Variants in ZFYVE9 observed in about 807,000 individuals in gnomAD.
The protein encoded by ZFYVE9 is zinc finger FYVE domain-containing protein 9.
A neutral mutation model predicts 126.7 loss-of-function variants in ZFYVE9; 43 were observed. The observed-to-expected ratio is 0.34, with a 90% CI of 0.27 to 0.44. The LOEUF (loss-of-function observed/expected upper bound fraction) is 0.44, where lower values mean the gene tolerates loss of function less well. Among genes scored for constraint, ZFYVE9 ranks in the 20% least tolerant of loss-of-function variants. The probability of loss-of-function intolerance (pLI) is 1.00; values close to 1 mark genes in which losing one functional copy is unlikely to be tolerated. For synonymous variants in ZFYVE9, 521 were observed against 597.4 expected (o/e 0.87, Z 1.87); for missense variants, 1,476 against 1,697.0 (o/e 0.87, Z 2.29).
chr1:52,263,789 G>T lies in ZFYVE9; in HGVS notation c.2195G>T (p.Cys732Phe). 2 of 1,479,704 alleles carry T rather than the reference G, an allele frequency of 1.4e-6. No homozygotes were observed. Among genetic ancestry groups the T allele is most frequent in the Non-Finnish European group, 1.8e-6 (2 of 1,097,496 alleles). The allele number at this position is 1,479,704 out of a possible 1,614,324, so 91.7% of individuals were successfully genotyped here. ...RACGKVFCASCCSLKCKLLYM... is the reference protein window; with the variant it reads ...RACGKVFCASFCSLKCKLLYM... ...CCCCCACAGGTTTTCTGTGCTTCCT[G>T]CTGTAGCCTGAAATGTAAACTGTTA... is the stretch of plus-strand genomic sequence containing the variant. The change falls in exon 5 of 19, where the codon TGC (cysteine) becomes TTC (phenylalanine). Residue 732 changes from cysteine to phenylalanine, a missense_variant. By Grantham distance (205) the Cys-to-Phe change is radical. Coordinates refer to ENST00000287727, the MANE Select transcript of ZFYVE9 (RefSeq NM_004799.4).
chr1:52,161,780 C>T (rs926837999), intron 1 of ZFYVE9, among the ~76,000 whole-genome samples: 1 of 152,110 alleles, frequency 6.6e-6, no homozygotes, highest in Non-Finnish European at 1.5e-5. Context: ...CCAAACATGA[C>T]ATGACTGAAC....
chr1:52,193,571 G>A (rs900133984), intron 1 of ZFYVE9, among the ~76,000 whole-genome samples: 1 of 151,566 alleles, frequency 6.6e-6, no homozygotes, highest in Non-Finnish European at 1.5e-5. Context: ...GCTGGGCATG[G>A]TTGCAGGCGC....
chr1:52,248,662 A>G (rs1016871662), intron 4 of ZFYVE9, among the ~76,000 whole-genome samples: 13 of 152,184 alleles, frequency 8.5e-5, no homozygotes, highest in Non-Finnish European at 1.6e-4. Flanking sequence ...TAATTCATTT[A>G]TCCATCAATG....
intron 1 of ZFYVE9, among the ~76,000 whole-genome samples, chr1:52,157,510 T>G (rs569244653): frequency 6.7e-6 from 1 of 150,110 alleles, no homozygotes; most frequent in East Asian, 2.0e-4. Context: ...CAAGTGATTC[T>G]CCTGCCTCAG....
intron 1 of ZFYVE9, among the ~76,000 whole-genome samples, chr1:52,183,650 G>A (rs921875151): frequency 9.9e-5 from 15 of 151,810 alleles, no homozygotes; most frequent in African/African-American, 2.2e-4. Context: ...GTACAGGTGC[G>A]TGCCACCACA....
At chr1:52,279,573 C>A (rs1645782124) in intron 9 of ZFYVE9, among the ~76,000 whole-genome samples, 1 of 152,124 alleles carries the variant, frequency 6.6e-6, no homozygotes, top group African/African-American at 2.4e-5. Context: ...AAGCAGTTCT[C>A]CCACGTCAGC....
chr1:52,325,719 T>C (rs1472021936), intron 13 of ZFYVE9, among the ~76,000 whole-genome samples: 1 of 152,182 alleles, frequency 6.6e-6, no homozygotes, highest in East Asian at 1.9e-4. Context: ...ATTTATGGAG[T>C]GCCTGCCATG....
intron 13 of ZFYVE9, among the ~76,000 whole-genome samples, chr1:52,316,518 T>C (rs1036177419): frequency 6.7e-5 from 10 of 149,892 alleles, no homozygotes; most frequent in Non-Finnish European, 1.5e-4. Context: ...GTAGAAAAGA[T>C]AGCATAGTAA....
intron 1 of ZFYVE9, among the ~76,000 whole-genome samples, chr1:52,197,843 T>C (rs1227605642): frequency 6.6e-6 from 1 of 152,144 alleles, no homozygotes; most frequent in African/African-American, 2.4e-5. Flanking sequence ...GCACAGAAAG[T>C]AGACAACTCT....
intron 4 of ZFYVE9, among the ~76,000 whole-genome samples, chr1:52,255,976 CTTT>C (rs1557484286): frequency 3.0e-4 from 31 of 102,694 alleles, no homozygotes; most frequent in African/African-American, 1.1e-3. Flanking sequence ...TTCTTTCTTT[CTTT>C]CTTTCCTTCC....
chr1:52,318,662 G>A lies in ZFYVE9; in HGVS notation c.3439-14106G>A, dbSNP rs111769874. Among the ~76,000 whole-genome samples, 314 of 152,122 alleles carry A rather than the reference G, an allele frequency of 2.1e-3. 2 individuals are homozygous for A. Among genetic ancestry groups the A allele is most frequent in the African/African-American group, 7.4e-3 (306 of 41,458 alleles). On this transcript the variant is annotated intron_variant, in intron 13 of 18. Transcript: ENST00000287727. ...GTCGGTATTCATGGATAACATGGCT[G>A]TCTATGTAGCAAATCCTTATGGAGT...
intron 1 of ZFYVE9, chr1:52,163,117 A>C (rs1191717580): frequency 1.4e-5 from 3 of 213,732 alleles, no homozygotes; most frequent in African/African-American, 6.9e-5. Flanking sequence ...AAACAATTCA[A>C]AATAGCCTTA....
At position 52,266,405 on chromosome 1, in the gene ZFYVE9, T is replaced by TAAA. The variant is rs33996604; in HGVS notation, c.2279-223_2279-221dup. 2.0e-4 allele frequency among the ~76,000 whole-genome samples: 17 copies of TAAA among 85,636 alleles called. 1 individual carries two copies. Among genetic ancestry groups the TAAA allele is most frequent in the South Asian group, 4.9e-4 (1 of 2,058 alleles). The allele number at this position is 85,636 out of a possible 152,430, so 56.2% of individuals were successfully genotyped here. A position where few individuals can be genotyped will look rare whatever the true frequency, so the allele number is the denominator to read the frequency against. On this transcript the variant is annotated intron_variant, in intron 5 of 18. Coordinates refer to ENST00000287727, the MANE Select transcript of ZFYVE9 (RefSeq NM_004799.4). ...AGCCACCACTCCCGGTCTAATTCTT[T>TAAA]AAAAAAAAAAAAAAAAAAAAAAAAA...
At chr1:52,197,318 A>C (rs1300170971) in intron 1 of ZFYVE9, among the ~76,000 whole-genome samples, 1 of 152,166 alleles carries the variant, frequency 6.6e-6, no homozygotes, top group Non-Finnish European at 1.5e-5. Context: ...GAAAACATTG[A>C]TTAGTATGAA....
rs1317386987 is a variant in ZFYVE9 at position 52,296,003 on chromosome 1, G to A, written c.3333+26G>A. The A allele has an allele frequency of 1.9e-6, 3 of 1,597,460 alleles. No individual in the cohort carries two copies. The South Asian group carries it at 3.3e-5, about 18-fold the overall frequency. ...GTAAGTTGGGAATTTTTTTTCCTTTGTCCTTACTGGAGTTTATATGGGAGA... is the reference window on the plus strand; with the variant it reads ...GTAAGTTGGGAATTTTTTTTCCTTTATCCTTACTGGAGTTTATATGGGAGA... On this transcript the variant is annotated intron_variant, in intron 12 of 18. Coordinates refer to ENST00000287727, the MANE Select transcript of ZFYVE9 (RefSeq NM_004799.4).
intron 1 of ZFYVE9, among the ~76,000 whole-genome samples, chr1:52,170,761 T>G (rs1024139135): frequency 2.4e-4 from 37 of 152,300 alleles, no homozygotes; most frequent in Non-Finnish European, 4.6e-4. Context: ...TGTGTTTGTA[T>G]AGTTTCCAAA....
chr1:52,315,031 C>G (rs1326076951), intron 13 of ZFYVE9, among the ~76,000 whole-genome samples: 1 of 99,508 alleles, frequency 1.0e-5, no homozygotes, highest in Admixed American at 9.8e-5. Context: ...AAGGAGAATA[C>G]CAAATATTGG....
At chr1:52,241,630 T>C (rs1308616531) in intron 4 of ZFYVE9, among the ~76,000 whole-genome samples, 2 of 152,130 alleles carry the variant, frequency 1.3e-5, no homozygotes, top group African/African-American at 4.8e-5. Flanking sequence ...TTTTGCTGAG[T>C]AGAATTTGTG....
At chr1:52,188,311 A>G (rs1644783943) in intron 1 of ZFYVE9, among the ~76,000 whole-genome samples, 1 of 152,192 alleles carries the variant, frequency 6.6e-6, no homozygotes, top group Admixed American at 6.5e-5. Context: ...AACAACGGAC[A>G]CTGGGTCCTA....
Sources: gnomAD v4.1 joint callset for allele counts (sites outside exome capture counted in the v4.1 genomes callset) on GRCh38, gnomAD v4.1.1 for gene constraint, MANE v1.5 for transcripts, NCBI Gene and HGNC (gene_info 2026-07-23, HGNC 2026-07-21) for gene names.